Variants in FARS2 observed in about 807,000 individuals in gnomAD.
FARS2 encodes the protein phenylalanyl-tRNA synthetase 2, mitochondrial.
A neutral mutation model predicts 46.4 loss-of-function variants in FARS2; 40 were observed. That is an observed-to-expected ratio of 0.86 (90% CI 0.67 to 1.12). The LOEUF (loss-of-function observed/expected upper bound fraction) is 1.12. Ranked by LOEUF, FARS2 falls within the 50% of genes most tolerant of loss-of-function variation. The pLI is 0.00. For synonymous variants in FARS2, 234 were observed against 214.9 expected (o/e 1.09, Z -0.78); for missense variants, 513 against 567.9 (o/e 0.90, Z 0.98).
At chr6:5,490,408 T>C (rs1767033766) in intron 4 of FARS2, among the ~76,000 whole-genome samples, 1 of 152,234 alleles carries the variant, frequency 6.6e-6, no homozygotes, top group Non-Finnish European at 1.5e-5. Flanking sequence ...CTTGTTTCAA[T>C]ACTTAGAACT....
At chr6:5,755,974 C>T (rs1762181906) in intron 6 of FARS2, among the ~76,000 whole-genome samples, 2 of 152,162 alleles carry the variant, frequency 1.3e-5, no homozygotes, top group South Asian at 2.1e-4. Context: ...GGCAAGATTC[C>T]TTTTTGCCAG....
intron 4 of FARS2, among the ~76,000 whole-genome samples, chr6:5,450,378 T>C (rs1421844631): frequency 6.6e-6 from 1 of 151,672 alleles, no homozygotes; most frequent in Non-Finnish European, 1.5e-5. Context: ...GGAAGCGTGA[T>C]GTGGGCTGCA....
At chr6:5,676,734 T>C (rs77265927) in intron 6 of FARS2, among the ~76,000 whole-genome samples, 3,530 of 152,352 alleles carry the variant, frequency 0.023, 149 homozygotes, top group African/African-American at 0.081. Flanking sequence ...TAGGACTTAG[T>C]GTGTGCTTTT....
At chr6:5,329,147 CTG>C (rs1397830221) in intron 1 of FARS2, among the ~76,000 whole-genome samples, 1 of 151,434 alleles carries the variant, frequency 6.6e-6, no homozygotes, top group East Asian at 1.9e-4. Flanking sequence ...AAAAAAGAAA[CTG>C]TGGCTACCAA....
chr6:5,660,047 C>CCTAG (rs1777780505), intron 6 of FARS2, among the ~76,000 whole-genome samples: 1 of 152,304 alleles, frequency 6.6e-6, no homozygotes, highest in South Asian at 2.1e-4. Context: ...AGGAGGTGGG[C>CCTAG]CTAGCCTTGT....
chr6:5,750,379 C>T (rs982451831), intron 6 of FARS2, among the ~76,000 whole-genome samples: 2 of 152,132 alleles, frequency 1.3e-5, no homozygotes, highest in African/African-American at 2.4e-5. Context: ...ATGCACAAAC[C>T]GGCCTTCAGT....
intron 5 of FARS2, among the ~76,000 whole-genome samples, chr6:5,547,070 G>A (rs561295614): frequency 5.9e-5 from 9 of 152,084 alleles, no homozygotes; most frequent in Non-Finnish European, 1.3e-4. Flanking sequence ...TCCCACCTCA[G>A]CCTCCCGAGT....
intron 5 of FARS2, among the ~76,000 whole-genome samples, chr6:5,596,290 C>A (rs1202719548): frequency 2.6e-5 from 4 of 152,204 alleles, no homozygotes; most frequent in Non-Finnish European, 5.9e-5. Context: ...GCTCTCCTCT[C>A]GCTCATTAAC....
intron 6 of FARS2, among the ~76,000 whole-genome samples, chr6:5,646,564 C>T (rs989486153): frequency 9.2e-5 from 14 of 152,014 alleles, no homozygotes; most frequent in South Asian, 4.2e-4. Flanking sequence ...TGAATCTGTT[C>T]GCTATAACTA....
chr6:5,715,278 A>G (rs1759427678), intron 6 of FARS2, among the ~76,000 whole-genome samples: 1 of 152,056 alleles, frequency 6.6e-6, no homozygotes, highest in Admixed American at 6.5e-5. Context: ...AAAACTTTCA[A>G]CACATGGATT....
chr6:5,251,459 C>G, the FARS2 span, among the ~76,000 whole-genome samples: 1 of 152,104 alleles, frequency 6.6e-6, no homozygotes, highest in Admixed American at 6.6e-5. Flanking sequence ...GGGGAGGCCT[C>G]AGGAAGCTTA....
intron 6 of FARS2, among the ~76,000 whole-genome samples, chr6:5,763,253 A>G (rs1762582580): frequency 6.6e-6 from 1 of 152,062 alleles, no homozygotes; most frequent in Non-Finnish European, 1.5e-5. Flanking sequence ...GGAGTTTGAG[A>G]TTGGCCTGGG....
chr6:5,439,256 CTG>C (rs147447174), intron 4 of FARS2, among the ~76,000 whole-genome samples: 3,098 of 152,334 alleles, frequency 0.02, 55 homozygotes, highest in South Asian at 0.068. Flanking sequence ...AGGCTGATAT[CTG>C]TGCAGGTTTC....
At chr6:5,643,285 C>G (rs1475098471) in intron 6 of FARS2, among the ~76,000 whole-genome samples, 1 of 152,112 alleles carries the variant, frequency 6.6e-6, no homozygotes, top group Admixed American at 6.6e-5. Context: ...CCTGTGAAAA[C>G]GATTTCTAAT....
chr6:5,693,965 G>A (rs1338854081), intron 6 of FARS2, among the ~76,000 whole-genome samples: 4 of 152,160 alleles, frequency 2.6e-5, no homozygotes, highest in Admixed American at 1.3e-4. Context: ...CTCTACTAGC[G>A]GGAGCAGTCA....
At chr6:5,306,227 C>G (rs1265119396) in intron 1 of FARS2, among the ~76,000 whole-genome samples, 1 of 152,154 alleles carries the variant, frequency 6.6e-6, no homozygotes, top group South Asian at 2.1e-4. Context: ...CCCTCACCCC[C>G]AATCTGATGA....
chr6:5,462,696 G>T (rs1383246133), intron 4 of FARS2, among the ~76,000 whole-genome samples: 1 of 152,132 alleles, frequency 6.6e-6, no homozygotes, highest in Non-Finnish European at 1.5e-5. Flanking sequence ...ATATAGAACT[G>T]TGCAGTCTTG....
upstream of FARS2, chr6:5,260,598 T>TCCCCCGG: frequency 9.0e-7 from 1 of 1,105,570 alleles, no homozygotes; most frequent in South Asian, 1.3e-5. Flanking sequence ...GCACCCCCGG[T>TCCCCCGG]CCCCGGCCCC....
intron 2 of FARS2, among the ~76,000 whole-genome samples, chr6:5,388,091 C>A (rs1760254319): frequency 6.6e-6 from 1 of 151,936 alleles, no homozygotes; most frequent in African/African-American, 2.4e-5. Context: ...TTTCTAAACT[C>A]TCTTGCTATG....
Sources: allele counts gnomAD v4.1 joint callset (sites outside exome capture counted in the v4.1 genomes callset), GRCh38; gene constraint gnomAD v4.1.1; transcripts MANE v1.5; gene names NCBI Gene and HGNC (gene_info 2026-07-23, HGNC 2026-07-21).